FN1: variants seen among roughly 807,000 people sequenced by gnomAD.
The protein encoded by FN1 is fibronectin 1.
FN1 carries 106 observed loss-of-function variants against 297.3 expected under a neutral mutation model. The ratio of observed to expected loss-of-function variants is 0.36; its 90% CI spans 0.30 to 0.42. The LOEUF (loss-of-function observed/expected upper bound fraction) is 0.42, where lower values mean the gene tolerates loss of function less well. Among genes scored for constraint, FN1 ranks in the 10% least tolerant of loss-of-function variants. The pLI is 1.00. For missense variants in FN1, 2,690 were observed against 3,124.9 expected, an observed-to-expected ratio of 0.86 and a Z score of 3.32; for synonymous variants, 1,149 against 1,152.6, an observed-to-expected ratio of 1.00 and a Z score of 0.06.
chr2:215,427,322 A>T (rs1030044864), intron 6 of FN1, among the ~76,000 whole-genome samples: 1 of 152,212 alleles, frequency 6.6e-6, no homozygotes, highest in African/African-American at 2.4e-5. Context: ...AGAACAATTA[A>T]TATTTTTAAT....
rs1420375661 is a variant in FN1 at position 215,373,224 on chromosome 2, T to C, written c.6247+98A>G. The C allele has an allele frequency of 1.1e-4, 104 of 909,760 alleles. No individual in the cohort carries two copies. In the East Asian group the frequency reaches 2.6e-3, roughly 23 times the overall value. 56.4% of individuals were successfully genotyped at this position (909,760 alleles called of 1,614,324 possible). A position where few individuals can be genotyped will look rare whatever the true frequency, so the allele number is the denominator to read the frequency against. On this transcript the variant is annotated intron_variant, in intron 39 of 45. Transcript: ENST00000354785. ...GTTAGATAAAAAAAATCACAAGAAA[T>C]GCATCAAAACATGGAGAACCTTTTC...
intron 9 of FN1, 90 bp from the exon 10 acceptor site, chr2:215,422,333 T>A: frequency 1.6e-6 from 2 of 1,252,472 alleles, no homozygotes; most frequent in Non-Finnish European, 1.2e-6. Flanking sequence ...AGTTTGGTCA[T>A]CCTAAGAATT....
At chr2:215,414,617 C>T (rs765811652) in intron 13 of FN1, 5 of 1,159,964 alleles carry the variant, frequency 4.3e-6, no homozygotes, top group Non-Finnish European at 5.7e-6. Context: ...TACCAGCCCC[C>T]CCACCGCAAA....
chr2:215,395,944 A>C (rs2060261429), intron 23 of FN1, among the ~76,000 whole-genome samples: 1 of 152,212 alleles, frequency 6.6e-6, no homozygotes, highest in African/African-American at 2.4e-5. Context: ...ACTCAGCTGG[A>C]AATTGTATAG....
intron 23 of FN1, among the ~76,000 whole-genome samples, chr2:215,395,619 A>G (rs2060223143): frequency 6.6e-6 from 1 of 152,112 alleles, no homozygotes; most frequent in Non-Finnish European, 1.5e-5. Flanking sequence ...TGGGCAGTAA[A>G]AGAGTTGAGA....
Position 215,382,284 on chromosome 2 carries a change from C to T in FN1, c.5092G>A (p.Glu1698Lys). 6.2e-7 allele frequency: 1 copy of T among 1,613,770 alleles called. No homozygotes were observed. The highest frequency in any genetic ancestry group is 8.5e-7 in the Non-Finnish European group (1 of 1,179,694). Residue 1698 changes from glutamate (E) to lysine (K), a missense_variant, in exon 32 of 46, where the codon GAG becomes AAG. This residue lies in a region of FN1 where 1,743 missense variants were observed against 1,945.2 expected (regional missense o/e 0.90). Transcript: ENST00000354785. Reference protein sequence around the residue: ...MTIEGLQPTVEYVVSVYAQNP... With the variant: ...MTIEGLQPTVKYVVSVYAQNP... ...TGAGCATAGACACTAACCACATACT[C>T]CACTGTGGGCTGCAAGCCTTCAATA...
At chr2:215,394,374 C>A (rs2060059604) in intron 24 of FN1, among the ~76,000 whole-genome samples, 154 bp downstream of exon 24, 1 of 152,212 alleles carries the variant, frequency 6.6e-6, no homozygotes. Flanking sequence ...GTCCAAATCG[C>A]TGCTTTGACT....
At chr2:215,369,857 A>G (rs1298681417) in intron 41 of FN1, among the ~76,000 whole-genome samples, 2 of 152,206 alleles carry the variant, frequency 1.3e-5, no homozygotes, top group African/African-American at 4.8e-5. Flanking sequence ...AACTGTCCCC[A>G]TGTCTGCAGA....
chr2:215,371,774 A>C, intron 40 of FN1, 135 bp downstream of exon 40: 1 of 769,280 alleles, frequency 1.3e-6, no homozygotes, highest in South Asian at 1.5e-5. Flanking sequence ...CGGCCTCCCA[A>C]AGTGCTGGGA....
At chr2:215,418,470 T>C (rs944786964) in intron 12 of FN1, among the ~76,000 whole-genome samples, 1 of 152,252 alleles carries the variant, frequency 6.6e-6, no homozygotes, top group African/African-American at 2.4e-5. Context: ...ATGTAGGCCA[T>C]ATTTTCAGTC....
Position 215,404,452 on chromosome 2 carries a change from C to A in FN1, c.3190G>T (p.Val1064Leu). The A allele has an allele frequency of 6.2e-7, 1 of 1,614,030 alleles. No homozygotes were observed. The highest frequency in any genetic ancestry group is 8.5e-7 in the Non-Finnish European group (1 of 1,179,952). Reference sequence around the variant, plus strand: ...TTGCCCTTTATGGCCACGAGGGATACGGTGTACTCAGATGCAGGCTGCAGA... The same window carrying A: ...TTGCCCTTTATGGCCACGAGGGATAAGGTGTACTCAGATGCAGGCTGCAGA... ...RNLQPASEYT[V>L]SLVAIKGNQE... Residue 1064 changes from valine to leucine, a missense_variant, in exon 20 of 46, where the codon GTA becomes TTA. Transcript: ENST00000354785.
In FN1 at chr2:215,420,712, A is replaced by G. The variant is rs372535719; in HGVS notation, c.1636T>C (p.Phe546Leu). ...TTCCACCTGCCCCGACCCTGACCGAAGCATGTACAGTTCAGCATGTGCCCC... is the reference window on the plus strand; with the variant it reads ...TTCCACCTGCCCCGACCCTGACCGAGGCATGTACAGTTCAGCATGTGCCCC... Reference protein sequence around the residue: ...EEGHMLNCTCFGQGRGRWKCD... With the variant: ...EEGHMLNCTCLGQGRGRWKCD... Residue 546 changes from phenylalanine to leucine, a missense_variant, in exon 11 of 46, where the codon TTC becomes CTC. Physicochemically the swap from Phe to Leu is conservative, Grantham distance 22. Coordinates refer to ENST00000354785, the MANE Select transcript of FN1 (RefSeq NM_212482.4). The G allele has an allele frequency of 6.2e-7, 1 of 1,614,152 alleles. No individual in the cohort carries two copies. Among genetic ancestry groups the G allele is most frequent in the Non-Finnish European group, 8.5e-7 (1 of 1,180,008 alleles).
At chr2:215,374,662 A>G (rs369031360) in intron 38 of FN1, among the ~76,000 whole-genome samples, 1 of 152,196 alleles carries the variant, frequency 6.6e-6, no homozygotes, top group Non-Finnish European at 1.5e-5. Context: ...ACTAATACAG[A>G]TAGTTTAAAT....
intron 20 of FN1, among the ~76,000 whole-genome samples, chr2:215,401,587 C>T (rs2061179081): frequency 6.6e-6 from 1 of 152,024 alleles, no homozygotes; most frequent in African/African-American, 2.4e-5. Context: ...GGGAAAAAAC[C>T]TCTGAATGCA....
At chr2:215,383,886 A>T in intron 30 of FN1, 134 bp downstream of exon 30, 1 of 941,894 alleles carries the variant, frequency 1.1e-6, no homozygotes, top group Non-Finnish European at 1.7e-6. Context: ...TGTTCGCTGC[A>T]GGTGCTAGCT....
chr2:215,365,811 T>A lies in FN1; in HGVS notation c.7019-181A>T, dbSNP rs10581104. 0.29 allele frequency: 70,761 copies of A among 246,640 alleles called. 7,997 individuals carry two copies. The highest frequency in any genetic ancestry group is 0.33 in the Non-Finnish European group (45,871 of 137,832). 15.3% of individuals were successfully genotyped at this position (246,640 alleles called of 1,614,324 possible). A position where few individuals can be genotyped will look rare whatever the true frequency, so the allele number is the denominator to read the frequency against. Reference sequence around the variant, plus strand: ...TATTTATTTATTTACTTTTTATTTTTTTTTTTTTTTTTGAGACAAAGTCTT... The same window carrying A: ...TATTTATTTATTTACTTTTTATTTTATTTTTTTTTTTTGAGACAAAGTCTT... On this transcript the variant is annotated intron_variant, in intron 42 of 45. Transcript: ENST00000354785.
intron 26 of FN1, among the ~76,000 whole-genome samples, chr2:215,390,407 A>C (rs2059583434): frequency 6.6e-6 from 1 of 151,998 alleles, no homozygotes; most frequent in Non-Finnish European, 1.5e-5. Context: ...CTGGTCTCGA[A>C]CTCCTGGGCT....
rs143393843 is a variant in FN1, at chr2:215,375,642, G to A, written c.5964C>T (p.Ile1988=). Residue 1988 remains isoleucine, a synonymous_variant, in exon 37 of 46, where the codon ATC becomes ATT. Transcript: ENST00000354785. The part of the protein sequence containing the change: ...NDNARSSPVV[I]DASTAIDAPS... ...AGGTATAGTTACCAGTGGAGGCGTCGATGACCACAGGGGAGCTCCGAGCAT... is the reference window on the plus strand; with the variant it reads ...AGGTATAGTTACCAGTGGAGGCGTCAATGACCACAGGGGAGCTCCGAGCAT... The A allele has an allele frequency of 1.5e-4, 238 of 1,610,264 alleles. 2 individuals carry two copies. The East Asian group carries it at 4.5e-3, about 30-fold the overall frequency.
intron 13 of FN1, among the ~76,000 whole-genome samples, chr2:215,410,364 T>C (rs1025249244): frequency 3.3e-5 from 5 of 152,224 alleles, no homozygotes; most frequent in African/African-American, 1.2e-4. Context: ...TACTCTGTGC[T>C]GTTTACCTAC....
Sources: gnomAD v4.1 joint callset for allele counts (sites outside exome capture counted in the v4.1 genomes callset) on GRCh38, gnomAD v4.1.1 for gene constraint, gnomAD v4.1.1 regional missense constraint, MANE v1.5 for transcripts, NCBI Gene and HGNC (gene_info 2026-07-23, HGNC 2026-07-21) for gene names.